PPP2R2B: variants seen among roughly 807,000 people sequenced by gnomAD.
The protein encoded by PPP2R2B is serine/threonine-protein phosphatase 2A 55 kDa regulatory subunit B beta isoform.
PPP2R2B carries 5 observed loss-of-function variants against 46.0 expected under a neutral mutation model. That is an observed-to-expected ratio of 0.11 (90% CI 0.06 to 0.23). The LOEUF (loss-of-function observed/expected upper bound fraction) is 0.23, where lower values mean the gene tolerates loss of function less well. Among genes scored for constraint, PPP2R2B ranks in the 10% least tolerant of loss-of-function variants. The pLI, the probability that PPP2R2B is intolerant of heterozygous loss-of-function variation, is 1.00. For synonymous variants in PPP2R2B, 215 were observed against 206.7 expected (o/e 1.04, Z -0.34); for missense variants, 367 against 575.0 (o/e 0.64, Z 3.70).
intron 7 of PPP2R2B, among the ~76,000 whole-genome samples, chr5:146,621,781 G>A (rs78112063): frequency 0.025 from 3,747 of 152,292 alleles, 66 homozygotes; most frequent in Middle Eastern, 0.044. Flanking sequence ...GCAGAGAGAA[G>A]AAACATTTTA....
At chr5:146,770,592 T>G (rs1754791799) in intron 2 of PPP2R2B, among the ~76,000 whole-genome samples, 1 of 152,204 alleles carries the variant, frequency 6.6e-6, no homozygotes. Flanking sequence ...ACTTTTATGC[T>G]TCTCTTTATT....
At chr5:146,977,551 G>C (rs1752975246) in intron 1 of PPP2R2B, among the ~76,000 whole-genome samples, 1 of 152,052 alleles carries the variant, frequency 6.6e-6, no homozygotes, top group South Asian at 2.1e-4. Context: ...ATAGGCCCTG[G>C]TGTGTGATGT....
At chr5:147,049,325 C>T (rs1375580984) in intron 1 of PPP2R2B, among the ~76,000 whole-genome samples, 1 of 152,020 alleles carries the variant, frequency 6.6e-6, no homozygotes, top group Non-Finnish European at 1.5e-5. Flanking sequence ...TCTAGGAGAA[C>T]AGAGTTCCCT....
At chr5:146,807,153 G>T (rs1757226666) in intron 2 of PPP2R2B, among the ~76,000 whole-genome samples, 1 of 152,124 alleles carries the variant, frequency 6.6e-6, no homozygotes, top group Non-Finnish European at 1.5e-5. Context: ...CAGATGATTT[G>T]TTTGTACATG....
chr5:146,598,987 T>C (rs1329455753), intron 8 of PPP2R2B, among the ~76,000 whole-genome samples: 2 of 152,134 alleles, frequency 1.3e-5, no homozygotes, highest in Non-Finnish European at 2.9e-5. Flanking sequence ...ACATTATATC[T>C]CAAGGAAAAA....
At chr5:146,721,859 C>T (rs940990091) in intron 2 of PPP2R2B, among the ~76,000 whole-genome samples, 1 of 152,196 alleles carries the variant, frequency 6.6e-6, no homozygotes, top group African/African-American at 2.4e-5. Flanking sequence ...CTCCCATTCT[C>T]ATAGATGGGA....
At chr5:146,758,123 C>T (rs894202590) in intron 2 of PPP2R2B, among the ~76,000 whole-genome samples, 1 of 152,176 alleles carries the variant, frequency 6.6e-6, no homozygotes, top group Admixed American at 6.5e-5. Context: ...CAGGCCACCC[C>T]TTCCTCTCAA....
At chr5:146,788,132 C>T (rs969709393) in intron 2 of PPP2R2B, among the ~76,000 whole-genome samples, 2 of 152,052 alleles carry the variant, frequency 1.3e-5, no homozygotes, top group African/African-American at 2.4e-5. Flanking sequence ...CGCAAGTTGC[C>T]TCCAGTTTTC....
intron 1 of PPP2R2B, among the ~76,000 whole-genome samples, chr5:146,958,058 A>G (rs1751995216): frequency 6.8e-6 from 1 of 147,978 alleles, no homozygotes; most frequent in Non-Finnish European, 1.5e-5. Flanking sequence ...TCAAACATCT[A>G]TTTTTTTTTT....
chr5:146,922,543 G>C (rs10068414), intron 1 of PPP2R2B: 2 of 152,074 alleles, frequency 1.3e-5, no homozygotes, highest in African/African-American at 4.8e-5. Context: ...CACATGGGGC[G>C]GGGAGCTCAG....
chr5:146,941,701 T>C (rs1306164943), intron 1 of PPP2R2B, among the ~76,000 whole-genome samples: 1 of 152,220 alleles, frequency 6.6e-6, no homozygotes, highest in Non-Finnish European at 1.5e-5. Context: ...TGCTAGTCCA[T>C]GTGTGGCATA....
chr5:146,959,423 A>G (rs1752070361), intron 1 of PPP2R2B, among the ~76,000 whole-genome samples: 2 of 152,144 alleles, frequency 1.3e-5, no homozygotes, highest in South Asian at 2.1e-4. Context: ...ATCAAGTGCT[A>G]TGATTAATTG....
intron 5 of PPP2R2B, among the ~76,000 whole-genome samples, chr5:146,666,030 T>A (rs1444697046): frequency 6.6e-6 from 1 of 152,240 alleles, no homozygotes; most frequent in Non-Finnish European, 1.5e-5. Flanking sequence ...TATGGCTGTA[T>A]GTCTGAGAAC....
At chr5:146,640,494 C>A (rs1775132361) in intron 6 of PPP2R2B, among the ~76,000 whole-genome samples, 1 of 152,218 alleles carries the variant, frequency 6.6e-6, no homozygotes. Context: ...GGCTTTATGG[C>A]CATGACGTGG....
intron 2 of PPP2R2B, among the ~76,000 whole-genome samples, chr5:146,795,463 A>T (rs1276680161): frequency 6.6e-6 from 1 of 152,182 alleles, no homozygotes; most frequent in African/African-American, 2.4e-5. Context: ...GATCTCACTT[A>T]TATGGGAAAT....
At chr5:146,887,681 T>C (rs567851298) in intron 1 of PPP2R2B, among the ~76,000 whole-genome samples, 7 of 152,204 alleles carry the variant, frequency 4.6e-5, no homozygotes, top group Non-Finnish European at 8.8e-5. Flanking sequence ...ACCATCCTAA[T>C]AGGTCAACCA....
chr5:147,024,313 A>G (rs1160179563), intron 1 of PPP2R2B, among the ~76,000 whole-genome samples: 1 of 152,166 alleles, frequency 6.6e-6, no homozygotes, highest in Non-Finnish European at 1.5e-5. Flanking sequence ...AACAGCTTCA[A>G]AAATGTAAAT....
intron 5 of PPP2R2B, among the ~76,000 whole-genome samples, chr5:146,669,498 A>T (rs1474963639): frequency 6.6e-6 from 1 of 151,816 alleles, no homozygotes; most frequent in Non-Finnish European, 1.5e-5. Context: ...CTATATATTT[A>T]TATGTATATA....
At chr5:146,630,370 T>C (rs1774345928) in intron 7 of PPP2R2B, among the ~76,000 whole-genome samples, 1 of 152,238 alleles carries the variant, frequency 6.6e-6, no homozygotes, top group South Asian at 2.1e-4. Flanking sequence ...CATTTGTGTT[T>C]TCTCTCATCC....
Sources: gnomAD v4.1 joint callset for allele counts (sites outside exome capture counted in the v4.1 genomes callset) on GRCh38, gnomAD v4.1.1 for gene constraint, MANE v1.5 for transcripts, NCBI Gene and HGNC (gene_info 2026-07-23, HGNC 2026-07-21) for gene names.